Variants in SH3GL2 observed in about 807,000 individuals in gnomAD.
SH3GL2 encodes endophilin-A1.
SH3GL2 carries 24 observed loss-of-function variants against 46.0 expected under a neutral mutation model. That is an observed-to-expected ratio of 0.52 (90% confidence interval 0.38 to 0.73). The LOEUF is 0.73. Among genes scored for constraint, SH3GL2 ranks in the 30% least tolerant of loss-of-function variants. The pLI is 0.00. For missense variants in SH3GL2, 413 were observed against 424.2 expected (o/e 0.97, Z 0.23); for synonymous variants, 196 against 147.1 (o/e 1.33, Z -2.40).
intron 6 of SH3GL2, chr9:17,790,498 T>C (rs1230698293): frequency 4.5e-6 from 3 of 669,840 alleles, no homozygotes; most frequent in East Asian, 2.7e-4. Flanking sequence ...ACAACTTGTG[T>C]CCACCTAACT....
At chr9:17,688,068 C>G (rs1256250909) in intron 1 of SH3GL2, among the ~76,000 whole-genome samples, 2 of 152,026 alleles carry the variant, frequency 1.3e-5, no homozygotes, top group African/African-American at 2.4e-5. Context: ...CCTGCTTTCA[C>G]CTAAGTTCAT....
chr9:17,781,942 G>A (rs1294193241), intron 3 of SH3GL2, among the ~76,000 whole-genome samples: 1 of 152,070 alleles, frequency 6.6e-6, no homozygotes, highest in Non-Finnish European at 1.5e-5. Flanking sequence ...TCACAGCAGT[G>A]AGTGAGCACT....
intron 1 of SH3GL2, among the ~76,000 whole-genome samples, chr9:17,680,841 G>T (rs989763407): frequency 6.6e-6 from 1 of 152,102 alleles, no homozygotes; most frequent in African/African-American, 2.4e-5. Flanking sequence ...CTTTGTTCTC[G>T]TTGGTTTGAA....
At chr9:17,669,459 C>T (rs1262630892) in intron 1 of SH3GL2, among the ~76,000 whole-genome samples, 1 of 152,194 alleles carries the variant, frequency 6.6e-6, no homozygotes, top group Non-Finnish European at 1.5e-5. Flanking sequence ...CTGGCAACCA[C>T]AGAAATGTTC....
At chr9:17,728,723 G>T (rs1373937731) in intron 1 of SH3GL2, among the ~76,000 whole-genome samples, 1 of 152,146 alleles carries the variant, frequency 6.6e-6, no homozygotes, top group Non-Finnish European at 1.5e-5. Flanking sequence ...AGAACATGCA[G>T]TGTTTGGTTT....
At chr9:17,651,948 CTT>C (rs919097920) in intron 1 of SH3GL2, among the ~76,000 whole-genome samples, 1 of 152,146 alleles carries the variant, frequency 6.6e-6, no homozygotes, top group Non-Finnish European at 1.5e-5. Context: ...CCTCCTCTCT[CTT>C]GTCAGTCCTG....
chr9:17,739,378 A>G (rs954939757), intron 1 of SH3GL2, among the ~76,000 whole-genome samples: 2 of 152,056 alleles, frequency 1.3e-5, no homozygotes, highest in African/African-American at 2.4e-5. Flanking sequence ...AAAAACTACT[A>G]CATGTCATAA....
chr9:17,650,394 C>T lies in SH3GL2; in HGVS notation c.45+71107C>T, dbSNP rs111545614. ...TTTTGTTTGTTTGTTTTTTTTAAGA[C>T]GGAGTCTCGCTCTGTCACCCAGGCT... On this transcript the variant is annotated intron_variant, in intron 1 of 8. Coordinates refer to ENST00000380607, the MANE Select transcript of SH3GL2 (RefSeq NM_003026.5). Among the ~76,000 whole-genome samples, 122 of 152,092 alleles carry T rather than the reference C, an allele frequency of 8.0e-4. 1 individual carries two copies. Among genetic ancestry groups the T allele is most frequent in the South Asian group, 1.7e-3 (8 of 4,814 alleles).
intron 1 of SH3GL2, among the ~76,000 whole-genome samples, chr9:17,746,673 AAGC>A (rs1304400364): frequency 1.3e-5 from 2 of 152,196 alleles, no homozygotes; most frequent in African/African-American, 4.8e-5. Context: ...TAGGTTGAAG[AAGC>A]AGCAGTTTTC....
rs142704553 is a variant in SH3GL2, at chr9:17,635,404, T to G, written c.45+56117T>G. On this transcript the variant is annotated intron_variant, in intron 1 of 8. Transcript: ENST00000380607. ...TATCATTGATGGGCATTTAGATTGA[T>G]TCCATGCAAGTTCTTAGAGACCTTC... is the stretch of plus-strand genomic sequence containing the variant. Among the ~76,000 whole-genome samples the G allele has an allele frequency of 3.8e-3, 579 of 152,282 alleles. 6 individuals carry two copies. The highest frequency in any genetic ancestry group is 0.013 in the African/African-American group (555 of 41,552).
intron 3 of SH3GL2, among the ~76,000 whole-genome samples, chr9:17,766,951 T>C (rs1479930158): frequency 6.6e-6 from 1 of 152,210 alleles, no homozygotes; most frequent in Non-Finnish European, 1.5e-5. Flanking sequence ...TTAAAAAAAA[T>C]TCTGAAAGTC....
intron 1 of SH3GL2, among the ~76,000 whole-genome samples, chr9:17,618,643 T>C (rs1461830519): frequency 6.6e-6 from 1 of 152,218 alleles, no homozygotes; most frequent in Non-Finnish European, 1.5e-5. Flanking sequence ...GGCCTAGACC[T>C]GGCTTGGGGC....
chr9:17,712,177 T>G (rs1408583724), intron 1 of SH3GL2, among the ~76,000 whole-genome samples: 2 of 151,846 alleles, frequency 1.3e-5, no homozygotes, highest in East Asian at 1.9e-4. Context: ...TATTGTTTCT[T>G]TAGATTTGAG....
intron 1 of SH3GL2, among the ~76,000 whole-genome samples, chr9:17,605,190 G>T (rs921134490): frequency 1.3e-5 from 2 of 151,930 alleles, no homozygotes; most frequent in African/African-American, 4.8e-5. Context: ...TGTTGCCCAG[G>T]CTTGTCTTGA....
chr9:17,769,199 C>T (rs10963264), intron 3 of SH3GL2, among the ~76,000 whole-genome samples: 23,402 of 152,212 alleles, frequency 0.15, 2,298 homozygotes, highest in Middle Eastern at 0.26. Context: ...TTTAGCACCA[C>T]TTCAGATGTA....
At chr9:17,592,910 G>A (rs1372276285) in intron 1 of SH3GL2, among the ~76,000 whole-genome samples, 1 of 152,118 alleles carries the variant, frequency 6.6e-6, no homozygotes. Context: ...AGAGGGGAAA[G>A]GGGGTGAAGG....
intron 1 of SH3GL2, among the ~76,000 whole-genome samples, chr9:17,734,709 A>G (rs1822277188): frequency 1.3e-5 from 2 of 149,170 alleles, no homozygotes; most frequent in Middle Eastern, 7.1e-3. Flanking sequence ...AAAACACCAC[A>G]TAATTATATT....
intron 1 of SH3GL2, among the ~76,000 whole-genome samples, chr9:17,627,816 G>A (rs1026684370): frequency 2.0e-5 from 3 of 152,192 alleles, no homozygotes; most frequent in African/African-American, 7.2e-5. Context: ...CAGAGAGGCC[G>A]TGTGGCTCTT....
intron 1 of SH3GL2, among the ~76,000 whole-genome samples, chr9:17,732,757 T>A (rs1281897239): frequency 1.3e-5 from 2 of 152,152 alleles, no homozygotes; most frequent in African/African-American, 2.4e-5. Context: ...TAATCAATTC[T>A]TGTTCATTTC....
Sources: allele counts gnomAD v4.1 joint callset (sites outside exome capture counted in the v4.1 genomes callset), GRCh38; gene constraint gnomAD v4.1.1; transcripts MANE v1.5; gene names NCBI Gene and HGNC (gene_info 2026-07-23, HGNC 2026-07-21).